TENM4: variants seen among roughly 807,000 people sequenced by gnomAD.
TENM4 encodes teneurin-4.
A neutral mutation model predicts 243.3 loss-of-function variants in TENM4; 82 were observed. The observed-to-expected ratio is 0.34, with a 90% CI of 0.28 to 0.40. The LOEUF (loss-of-function observed/expected upper bound fraction) is 0.40. Among genes scored for constraint, TENM4 ranks in the 10% least tolerant of loss-of-function variants. The probability of loss-of-function intolerance (pLI) is 1.00; values close to 1 mark genes in which losing one functional copy is unlikely to be tolerated. For synonymous variants in TENM4, 1,412 were observed against 1,456.3 expected, an observed-to-expected ratio of 0.97 and a Z score of 0.69; for missense variants, 3,138 against 3,673.3, an observed-to-expected ratio of 0.85 and a Z score of 3.77.
chr11:78,708,854 T>C (rs1859323764), intron 26 of TENM4, among the ~76,000 whole-genome samples: 1 of 152,156 alleles, frequency 6.6e-6, no homozygotes, highest in African/African-American at 2.4e-5. Context: ...GTAAGGAGGA[T>C]CTTTTTCAAT....
intron 6 of TENM4, among the ~76,000 whole-genome samples, chr11:79,041,086 C>G (rs369422935): frequency 6.8e-6 from 1 of 146,684 alleles, no homozygotes; most frequent in Admixed American, 6.8e-5. Flanking sequence ...TTTTTTGAGA[C>G]AGAGTCTCAC....
chr11:79,022,746 T>G (rs1262681300), intron 6 of TENM4, among the ~76,000 whole-genome samples: 2 of 152,188 alleles, frequency 1.3e-5, no homozygotes, highest in Non-Finnish European at 2.9e-5. Context: ...ATGGTGATGA[T>G]GATGATGGAT....
intron 9 of TENM4, among the ~76,000 whole-genome samples, chr11:78,889,227 T>C (rs1855609840): frequency 6.6e-6 from 1 of 152,182 alleles, no homozygotes; most frequent in African/African-American, 2.4e-5. Context: ...CAGTCAGAAT[T>C]TCCCTGGGTT....
At chr11:79,060,269 G>A (rs1860053849) in intron 6 of TENM4, among the ~76,000 whole-genome samples, 1 of 152,220 alleles carries the variant, frequency 6.6e-6, no homozygotes, top group East Asian at 1.9e-4. Context: ...AAGGCCCCGA[G>A]TAGGAAGATT....
chr11:78,935,978 T>C (rs927855557), intron 6 of TENM4, among the ~76,000 whole-genome samples: 20 of 152,174 alleles, frequency 1.3e-4, no homozygotes, highest in African/African-American at 4.3e-4. Context: ...GCCCTCTGAG[T>C]GAAAGCTTCG....
intron 2 of TENM4, among the ~76,000 whole-genome samples, chr11:79,220,195 C>T (rs1864131370): frequency 6.6e-6 from 1 of 152,230 alleles, no homozygotes; most frequent in Non-Finnish European, 1.5e-5. Context: ...ATCATCGCAC[C>T]TGCAGCCTGG....
chr11:79,188,120 A>C (rs1052162147), intron 3 of TENM4, among the ~76,000 whole-genome samples: 1 of 152,214 alleles, frequency 6.6e-6, no homozygotes, highest in Non-Finnish European at 1.5e-5. Flanking sequence ...GCACTTTCCA[A>C]CCAGTGAGCT....
chr11:78,964,345 G>T (rs187949780), intron 6 of TENM4, among the ~76,000 whole-genome samples: 18 of 152,162 alleles, frequency 1.2e-4, no homozygotes, highest in African/African-American at 3.9e-4. Context: ...CTGGCCCCAG[G>T]TTCCATGACT....
chr11:79,117,424 A>G (rs966821790), intron 4 of TENM4, among the ~76,000 whole-genome samples: 2 of 152,174 alleles, frequency 1.3e-5, no homozygotes, highest in Non-Finnish European at 2.9e-5. Flanking sequence ...TGTCCTTTAA[A>G]TGTTGTGATC....
chr11:78,788,195 AAAAAG>A (rs976277491), intron 15 of TENM4, among the ~76,000 whole-genome samples: 1 of 152,252 alleles, frequency 6.6e-6, no homozygotes, highest in East Asian at 1.9e-4. Flanking sequence ...AGCTACTTTG[AAAAAG>A]AAAAGAAAAC....
intron 2 of TENM4, among the ~76,000 whole-genome samples, chr11:79,243,180 C>T (rs1333106106): frequency 1.3e-5 from 2 of 152,042 alleles, no homozygotes; most frequent in Non-Finnish European, 2.9e-5. Flanking sequence ...AAATTCATGA[C>T]ACGGTAGGAG....
At chr11:79,043,073 C>A (rs1012440679) in intron 6 of TENM4, among the ~76,000 whole-genome samples, 20 of 152,192 alleles carry the variant, frequency 1.3e-4, no homozygotes, top group African/African-American at 4.8e-4. Flanking sequence ...AGCAATCCCA[C>A]CCCACTCTGG....
In TENM4 at chr11:79,275,977, A is replaced by C. The variant is rs573542309; in HGVS notation, c.-265+21511T>G. On this transcript the variant is annotated intron_variant, in intron 2 of 33. Transcript: ENST00000278550. ...TGGGTTTTATGTGGGGGGAAGGTAG[A>C]GCACACATGCTTTTCTGATTATATC... Among the ~76,000 whole-genome samples the C allele has an allele frequency of 4.1e-4, 62 of 152,372 alleles. 1 individual carries two copies. The Middle Eastern group carries it at 0.01, about 25-fold the overall frequency.
intron 10 of TENM4, among the ~76,000 whole-genome samples, chr11:78,858,120 C>G (rs1485688677): frequency 6.6e-6 from 1 of 152,306 alleles, no homozygotes; most frequent in Non-Finnish European, 1.5e-5. Flanking sequence ...AACTGCTCCC[C>G]CATTTTAGCA....
chr11:78,675,857 T>G (rs569548425), intron 30 of TENM4, among the ~76,000 whole-genome samples: 2 of 152,328 alleles, frequency 1.3e-5, no homozygotes, highest in African/African-American at 4.8e-5. Context: ...CTTCCCATTT[T>G]ATAGATGATG....
In TENM4 at chr11:79,201,219, G is replaced by A. The variant is rs575203009; in HGVS notation, c.-163+14589C>T. ...CTTGTGAGTAGGGCCTGAAAACTGC[G>A]TTTCTAACAGTAGTGTTTCTAACAG... On this transcript the variant is annotated intron_variant, in intron 3 of 33. Transcript: ENST00000278550. Among the ~76,000 whole-genome samples the A allele has an allele frequency of 6.0e-4, 92 of 152,272 alleles. 1 individual carries two copies. The highest frequency in any genetic ancestry group is 1.9e-3 in the African/African-American group (80 of 41,562).
In TENM4 at chr11:79,064,775, G is replaced by A. The variant is rs1427477442; in HGVS notation, c.456C>T (p.Leu152=). The change falls in exon 6 of 34, where the codon CTC becomes CTT. Residue 152 remains leucine (L), a synonymous_variant. Transcript: ENST00000278550. ...SCLSSRANSN[L]TLTDTEHENT... is the part of the protein sequence containing the mutation. ...TTTCATGCTCGGTGTCGGTGAGTGT[G>A]AGATTGGAATTGGCCCGGCTGGACA... 1 of 1,551,562 alleles carries A rather than the reference G, an allele frequency of 6.4e-7. No individual in the cohort carries two copies. The highest frequency in any genetic ancestry group is 8.7e-7 in the Non-Finnish European group (1 of 1,146,996).
chr11:79,155,353 C>T lies in TENM4; in HGVS notation c.-162-6547G>A, dbSNP rs1413014446. 5.3e-5 allele frequency among the ~76,000 whole-genome samples: 8 copies of T among 151,346 alleles called. No individual in the cohort carries two copies. The East Asian group carries it at 1.6e-3, about 29-fold the overall frequency. ...CATGGGCTAAAATATGTCTCTCTCT[C>T]TCTTTTTTTTTTTTTTGGCTTGAAA... On this transcript the variant is annotated intron_variant, in intron 3 of 33. Coordinates refer to ENST00000278550, the MANE Select transcript of TENM4 (RefSeq NM_001098816.3).
At chr11:79,307,404 C>A (rs1856644155) in intron 1 of TENM4, among the ~76,000 whole-genome samples, 1 of 152,132 alleles carries the variant, frequency 6.6e-6, no homozygotes, top group Non-Finnish European at 1.5e-5. Context: ...ACTCCTGACA[C>A]CGCTCTCTCC....
Sources: gnomAD v4.1 joint callset for allele counts (sites outside exome capture counted in the v4.1 genomes callset) on GRCh38, gnomAD v4.1.1 for gene constraint, MANE v1.5 for transcripts, NCBI Gene and HGNC (gene_info 2026-07-23, HGNC 2026-07-21) for gene names.